The following CEP128 variants were observed in gnomAD, a reference collection of about 807,000 sequenced individuals.
CEP128 encodes centrosomal protein 128.
CEP128 carries 132 observed loss-of-function variants against 156.7 expected under a neutral mutation model. The observed-to-expected ratio is 0.84, with a 90% CI of 0.73 to 0.97. The LOEUF is 0.97. CEP128 is among the 50% of genes least tolerant of loss of function. CEP128 has a pLI of 0.00. For missense variants in CEP128, 1,252 were observed against 1,281.9 expected, an observed-to-expected ratio of 0.98 and a Z score of 0.36; for synonymous variants, 469 against 448.9, an observed-to-expected ratio of 1.04 and a Z score of -0.57.
intron 14 of CEP128, among the ~76,000 whole-genome samples, chr14:80,788,046 T>A (rs1185439927): frequency 2.0e-5 from 3 of 152,066 alleles, no homozygotes; most frequent in Admixed American, 2.0e-4. Context: ...GTGAGTCAAG[T>A]TTGGAATTTC....
At chr14:80,665,937 A>C (rs1186213073) in intron 19 of CEP128, among the ~76,000 whole-genome samples, 5 of 152,216 alleles carry the variant, frequency 3.3e-5, no homozygotes, top group Non-Finnish European at 7.3e-5. Context: ...AAGCAGATGG[A>C]ATTATGGAGA....
intron 19 of CEP128, among the ~76,000 whole-genome samples, chr14:80,673,959 G>A (rs1328104899): frequency 6.6e-6 from 1 of 151,972 alleles, no homozygotes; most frequent in African/African-American, 2.4e-5. Context: ...AAATTTTGAA[G>A]CAGCTCAGCA....
intron 19 of CEP128, among the ~76,000 whole-genome samples, chr14:80,667,857 CAA>C (rs3070047): frequency 1.3e-4 from 12 of 89,994 alleles, no homozygotes; most frequent in Non-Finnish European, 1.4e-4. Flanking sequence ...GACTCCATCT[CAA>C]AAAAAAAAAA....
rs149354786 is a variant in CEP128, at chr14:80,857,431, C to A, written c.762+5326G>T. 8.9e-4 allele frequency among the ~76,000 whole-genome samples: 136 copies of A among 151,976 alleles called. 2 individuals carry two copies. The highest frequency in any genetic ancestry group is 2.9e-4 in the Non-Finnish European group (20 of 67,938). On this transcript the variant is annotated intron_variant, in intron 9 of 24. Transcript: ENST00000555265. ...CACAGAAAAGGCTGATGGGTATAGG[C>A]TTAACAACACTTGAATTTAGGTCGG...
chr14:80,862,289 G>A (rs1269611799), intron 9 of CEP128, among the ~76,000 whole-genome samples: 1 of 152,176 alleles, frequency 6.6e-6, no homozygotes, highest in East Asian at 1.9e-4. Flanking sequence ...AGGAGTGGTT[G>A]TGCTCCAATA....
At chr14:80,940,914 G>GCC (rs1449149180) in intron 1 of CEP128, among the ~76,000 whole-genome samples, 1 of 152,140 alleles carries the variant, frequency 6.6e-6, no homozygotes, top group Non-Finnish European at 1.5e-5. Context: ...AGGGTGCCAG[G>GCC]CACTGTGCTA....
At chr14:80,799,666 C>T (rs905255123) in intron 13 of CEP128, among the ~76,000 whole-genome samples, 7 of 152,070 alleles carry the variant, frequency 4.6e-5, no homozygotes, top group East Asian at 3.9e-4. Context: ...GGTCTATAAA[C>T]GGCCGCTCTG....
At chr14:80,836,819 G>A (rs1370050848) in intron 11 of CEP128, among the ~76,000 whole-genome samples, 2 of 152,124 alleles carry the variant, frequency 1.3e-5, no homozygotes, top group Non-Finnish European at 2.9e-5. Flanking sequence ...AAACTGATTT[G>A]TTTATCTTTC....
chr14:80,875,024 C>T (rs892681254), intron 8 of CEP128, among the ~76,000 whole-genome samples: 5 of 152,186 alleles, frequency 3.3e-5, no homozygotes, highest in Non-Finnish European at 4.4e-5. Context: ...TCCTTTAGAA[C>T]GACTTTTTCC....
At chr14:80,711,760 C>T (rs77363848) in intron 19 of CEP128, among the ~76,000 whole-genome samples, 2,064 of 152,000 alleles carry the variant, frequency 0.014, 57 homozygotes, top group African/African-American at 0.048. Flanking sequence ...GAAATGGATA[C>T]CCCATTTACC....
chr14:80,564,549 A>T (rs1337218618), intron 20 of CEP128, among the ~76,000 whole-genome samples: 1 of 152,286 alleles, frequency 6.6e-6, no homozygotes, highest in East Asian at 1.9e-4. Flanking sequence ...AAATTATGAC[A>T]GTGACAGAAA....
intron 19 of CEP128, among the ~76,000 whole-genome samples, chr14:80,622,937 G>A (rs1357308397): frequency 6.6e-6 from 1 of 151,890 alleles, no homozygotes; most frequent in Admixed American, 6.6e-5. Flanking sequence ...AATACCATTT[G>A]ACCCAGCCAT....
intron 8 of CEP128, among the ~76,000 whole-genome samples, chr14:80,866,375 A>G (rs1340985331): frequency 6.6e-6 from 1 of 152,188 alleles, no homozygotes; most frequent in African/African-American, 2.4e-5. Context: ...CCCTCGTGCC[A>G]GGCCAGCCCC....
chr14:80,864,354 A>C (rs1019947756), intron 8 of CEP128, among the ~76,000 whole-genome samples: 7 of 152,168 alleles, frequency 4.6e-5, no homozygotes, highest in African/African-American at 7.2e-5. Context: ...AGTAGTTAAA[A>C]TTTCTCTGAT....
At chr14:80,919,579 G>C (rs1884739646) in intron 2 of CEP128, among the ~76,000 whole-genome samples, 1 of 151,862 alleles carries the variant, frequency 6.6e-6, no homozygotes, top group Non-Finnish European at 1.5e-5. Flanking sequence ...GTTCCCATAG[G>C]CATGGGTACC....
chr14:80,814,019 AAAT>A, intron 13 of CEP128, among the ~76,000 whole-genome samples: 1 of 152,152 alleles, frequency 6.6e-6, no homozygotes, highest in Non-Finnish European at 1.5e-5. Context: ...CAGCACTTTG[AAAT>A]ATGTTTCTAT....
chr14:80,509,101 A>T (rs1888124628), intron 23 of CEP128, among the ~76,000 whole-genome samples: 1 of 152,204 alleles, frequency 6.6e-6, no homozygotes, highest in African/African-American at 2.4e-5. Context: ...TCACAAGAAC[A>T]GCATGGGGAA....
intron 1 of CEP128, 34 bp downstream of exon 1, chr14:80,941,547 C>G (rs11625251): frequency 0.079 from 12,007 of 152,600 alleles, 554 homozygotes; most frequent in Middle Eastern, 0.14. Context: ...GGGAAGTGGT[C>G]GAAAAAGGGC....
intron 2 of CEP128, among the ~76,000 whole-genome samples, chr14:80,934,432 A>G (rs115373828): frequency 1.4e-3 from 215 of 152,328 alleles, no homozygotes; most frequent in African/African-American, 5.1e-3. Flanking sequence ...GGAAATCAGA[A>G]CATCAGAGGT....
Sources: gnomAD v4.1 joint callset for allele counts (sites outside exome capture counted in the v4.1 genomes callset) on GRCh38, gnomAD v4.1.1 for gene constraint, MANE v1.5 for transcripts, NCBI Gene and HGNC (gene_info 2026-07-23, HGNC 2026-07-21) for gene names.